The following RNF111 variants were observed in gnomAD, a reference collection of about 807,000 sequenced individuals.
RNF111 encodes the protein ring finger protein 111.
Under a neutral mutation model 95.1 loss-of-function variants are expected in RNF111, and 17 were observed. The observed-to-expected ratio is 0.18, with a 90% CI of 0.12 to 0.27. The LOEUF is 0.27. Among genes scored for constraint, RNF111 ranks in the 10% least tolerant of loss-of-function variants. The pLI is 1.00. For synonymous variants in RNF111, 440 were observed against 414.8 expected (o/e 1.06, Z -0.74); for missense variants, 1,189 against 1,210.4 (o/e 0.98, Z 0.26).
intron 1 of RNF111, among the ~76,000 whole-genome samples, chr15:59,018,298 T>C (rs2040167770): frequency 6.6e-6 from 1 of 152,170 alleles, no homozygotes; most frequent in Non-Finnish European, 1.5e-5. Context: ...GTCACTGCCA[T>C]TTCTGAGTTT....
intron 2 of RNF111, among the ~76,000 whole-genome samples, chr15:59,036,459 C>T (rs1336099484): frequency 6.6e-6 from 1 of 152,186 alleles, no homozygotes. Context: ...GGAGCAAAGT[C>T]ACATCTTACA....
chr15:59,002,019 T>G lies in RNF111; in HGVS notation c.-20+13951T>G, dbSNP rs539182632. On this transcript the variant is annotated intron_variant, in intron 1 of 13. Transcript: ENST00000348370. ...CCTTTCTTGTGATGACGGAAAATGATGATAAAATGGCGAAATGAGGTTAAT... is the reference window on the plus strand; with the variant it reads ...CCTTTCTTGTGATGACGGAAAATGAGGATAAAATGGCGAAATGAGGTTAAT... Among the ~76,000 whole-genome samples the G allele has an allele frequency of 3.3e-5, 5 of 152,350 alleles. No individual in the cohort carries two copies. The South Asian group carries it at 1.0e-3, about 32-fold the overall frequency.
intron 1 of RNF111, among the ~76,000 whole-genome samples, chr15:59,009,757 C>T (rs915546347): frequency 4.6e-5 from 7 of 151,894 alleles, no homozygotes; most frequent in African/African-American, 1.7e-4. Context: ...GAGTTTGAGA[C>T]CAGACTGGGC....
intron 1 of RNF111, among the ~76,000 whole-genome samples, chr15:58,999,120 T>C (rs1239285954): frequency 6.6e-6 from 1 of 152,194 alleles, no homozygotes; most frequent in Non-Finnish European, 1.5e-5. Context: ...ACTCCCTTTT[T>C]CAACTACATA....
chr15:59,083,683 T>G (rs941423268), intron 8 of RNF111, among the ~76,000 whole-genome samples: 2 of 149,710 alleles, frequency 1.3e-5, no homozygotes, highest in South Asian at 2.1e-4. Flanking sequence ...GTCTTTACAG[T>G]ATAAGAGTAA....
intron 2 of RNF111, chr15:59,049,375 T>A (rs1206975800): frequency 6.7e-6 from 1 of 149,522 alleles, no homozygotes; most frequent in Non-Finnish European, 1.5e-5. Flanking sequence ...TTTTTTTTTT[T>A]TTTTTTTTTT....
At chr15:59,051,503 C>A (rs1480662686) in intron 2 of RNF111, among the ~76,000 whole-genome samples, 1 of 148,968 alleles carries the variant, frequency 6.7e-6, no homozygotes, top group African/African-American at 2.5e-5. Flanking sequence ...TGGCTGGGTG[C>A]AGTGGCTCAC....
intron 1 of RNF111, chr15:59,004,190 T>G (rs1646888158): frequency 1.8e-6 from 2 of 1,091,310 alleles, no homozygotes; most frequent in South Asian, 3.7e-5. Flanking sequence ...AACTTTGTTT[T>G]TAGTTATCTT....
intron 1 of RNF111, among the ~76,000 whole-genome samples, chr15:59,018,373 A>G (rs1567214866): frequency 1.3e-5 from 2 of 152,198 alleles, no homozygotes; most frequent in Non-Finnish European, 2.9e-5. Context: ...AAGAAATTTT[A>G]TGCCTAGCCA....
At chr15:59,090,948 T>C (rs2079036336) in intron 11 of RNF111, 111 bp from the exon 12 acceptor site, 1 of 632,060 alleles carries the variant, frequency 1.6e-6, no homozygotes, top group South Asian at 2.4e-5. Flanking sequence ...AACACTGTAT[T>C]TATATTGCAA....
intron 1 of RNF111, among the ~76,000 whole-genome samples, chr15:59,001,534 C>G (rs2039324713): frequency 6.6e-6 from 1 of 151,998 alleles, no homozygotes; most frequent in African/African-American, 2.4e-5. Context: ...TGAACTTTTG[C>G]TTTTGATAAT....
intron 2 of RNF111, among the ~76,000 whole-genome samples, chr15:59,032,742 A>C (rs2040976460): frequency 6.6e-6 from 1 of 152,144 alleles, no homozygotes; most frequent in Non-Finnish European, 1.5e-5. Flanking sequence ...TTTATAGCTG[A>C]AAAGTAATTT....
At chr15:59,000,116 C>A (rs952715988) in intron 1 of RNF111, among the ~76,000 whole-genome samples, 2 of 151,786 alleles carry the variant, frequency 1.3e-5, no homozygotes, top group Admixed American at 6.6e-5. Context: ...TAGATATAAC[C>A]CATATAATAA....
chr15:59,093,052 G>A (rs2079096226), intron 13 of RNF111, among the ~76,000 whole-genome samples: 1 of 152,140 alleles, frequency 6.6e-6, no homozygotes, highest in South Asian at 2.1e-4. Context: ...ATTACTTTTG[G>A]CATATACTGT....
At chr15:59,033,178 C>T (rs1417629148) in intron 2 of RNF111, among the ~76,000 whole-genome samples, 3 of 152,208 alleles carry the variant, frequency 2.0e-5, no homozygotes, top group African/African-American at 7.2e-5. Flanking sequence ...TAAGCTTTCT[C>T]AGTTTTACCT....
chr15:59,038,285 T>A (rs1327073806), intron 2 of RNF111, among the ~76,000 whole-genome samples: 1 of 152,206 alleles, frequency 6.6e-6, no homozygotes, highest in Non-Finnish European at 1.5e-5. Context: ...TCATTTTACC[T>A]TATATTAGGC....
In RNF111 at chr15:59,068,177, G is replaced by A. The variant is rs964902456; in HGVS notation, c.1686+1094G>A. ...TTAGGTTGCAGTGAGCTGAGATCAC[G>A]CCATTGCACTCCAGCCTGGGCGACA... On this transcript the variant is annotated intron_variant, in intron 6 of 13. Coordinates refer to ENST00000348370, the MANE Select transcript of RNF111 (RefSeq NM_017610.8). Among the ~76,000 whole-genome samples the A allele has an allele frequency of 3.2e-4, 48 of 152,176 alleles. 1 individual carries two copies. The highest frequency in any genetic ancestry group is 1.1e-3 in the African/African-American group (46 of 41,512).
chr15:59,036,844 G>C (rs1199292226), intron 2 of RNF111, among the ~76,000 whole-genome samples: 1 of 151,954 alleles, frequency 6.6e-6, no homozygotes, highest in Non-Finnish European at 1.5e-5. Flanking sequence ...GGTTTTATTT[G>C]CTTTTTGAGA....
In RNF111 at chr15:59,097,102, T is replaced by C. The variant is rs956591449; in HGVS notation, c.*2202T>C. On this transcript the variant is annotated 3_prime_UTR_variant, in exon 14 of 14. Coordinates refer to ENST00000348370, the MANE Select transcript of RNF111 (RefSeq NM_017610.8). ...CTTATTAAGCTACTGCCATTAGTTA[T>C]CGAAAAATGTGATAAGTAATGAAGA... 6.6e-6 allele frequency: 1 copy of C among 152,216 alleles called. No individual in the cohort carries two copies. The highest frequency in any genetic ancestry group is 1.5e-5 in the Non-Finnish European group (1 of 68,034). 9.4% of individuals were successfully genotyped at this position (152,216 alleles called of 1,614,324 possible). A position where few individuals can be genotyped will look rare whatever the true frequency, so the allele number is the denominator to read the frequency against.
Sources: gnomAD v4.1 joint callset for allele counts (sites outside exome capture counted in the v4.1 genomes callset) on GRCh38, gnomAD v4.1.1 for gene constraint, MANE v1.5 for transcripts, NCBI Gene and HGNC (gene_info 2026-07-23, HGNC 2026-07-21) for gene names.